The following PCDHA6 variants were observed in gnomAD, a reference collection of about 807,000 sequenced individuals.
PCDHA6 encodes the protein protocadherin alpha 6.
In PCDHA6, 55 loss-of-function variants were observed where a neutral mutation model predicts 60.3. That is an observed-to-expected ratio of 0.91 (90% CI 0.73 to 1.14). PCDHA6 has a LOEUF of 1.14. PCDHA6 is among the 50% of genes most tolerant of loss of function. The pLI, the probability that PCDHA6 is intolerant of heterozygous loss-of-function variation, is 0.00. For synonymous variants in PCDHA6, 652 were observed against 557.9 expected, an observed-to-expected ratio of 1.17 and a Z score of -2.38; for missense variants, 1,327 against 1,256.5, an observed-to-expected ratio of 1.06 and a Z score of -0.85.
At position 140,829,507 on chromosome 5, in the gene PCDHA6, C is replaced by G; in HGVS notation, c.1416C>G (p.Cys472Trp). 6.2e-7 allele frequency: 1 copy of G among 1,613,584 alleles called. No homozygotes were observed. Among genetic ancestry groups the G allele is most frequent in the Admixed American group, 1.7e-5 (1 of 60,022 alleles). Residue 472 changes from cysteine (C) to tryptophan (W), a missense_variant, in exon 1 of 4, where the codon TGC becomes TGG. Cys to Trp is a radical substitution (Grantham distance 215). Coordinates refer to ENST00000529310, the MANE Select transcript of PCDHA6 (RefSeq NM_018909.4). ...TGAAGGAGAACAACCCGCCGGGCTG[C>G]CACATCTTCACGGTGTCTGCGCGAG... The part of the protein sequence containing the change: ...VFVKENNPPG[C>W]HIFTVSARDA...
At chr5:140,948,259 G>A (rs1430770984) in intron 1 of PCDHA6, among the ~76,000 whole-genome samples, 3 of 151,464 alleles carry the variant, frequency 2.0e-5, no homozygotes, top group Non-Finnish European at 3.0e-5. Context: ...TTACATCTGT[G>A]TTCATGTAGA....
chr5:141,009,905 G>A lies in PCDHA6; in HGVS notation c.2821G>A (p.Gly941Arg), dbSNP rs781954349. The change falls in exon 4 of 4, where the codon GGG becomes AGG. Residue 941 changes from glycine (G) to arginine (R), a missense_variant. Physicochemically the swap from Gly to Arg is moderately radical, Grantham distance 125. Coordinates refer to ENST00000529310, the MANE Select transcript of PCDHA6 (RefSeq NM_018909.4). ...GNKTQEKKEK[G>R]NSTTDNSDQ Reference sequence around the variant, plus strand: ...CAAGACCCAGGAGAAAAAAGAGAAAGGGAACAGCACGACTGACAACAGTGA... The same window carrying A: ...CAAGACCCAGGAGAAAAAAGAGAAAAGGAACAGCACGACTGACAACAGTGA... 7.4e-6 allele frequency: 12 copies of A among 1,613,058 alleles called. No homozygotes were observed. Among genetic ancestry groups the A allele is most frequent in the Non-Finnish European group, 1.0e-5 (12 of 1,179,832 alleles).
At chr5:140,833,769 G>A (rs2150211252) in intron 1 of PCDHA6, among the ~76,000 whole-genome samples, 5,218 of 144,902 alleles carry the variant, frequency 0.036, 318 homozygotes, top group African/African-American at 0.13. Context: ...CACACACACC[G>A]CTTTCTAAGT....
chr5:140,832,284 T>C (rs1771894843), intron 1 of PCDHA6, among the ~76,000 whole-genome samples: 1 of 152,202 alleles, frequency 6.6e-6, no homozygotes, highest in Non-Finnish European at 1.5e-5. Context: ...TAAGCATGAA[T>C]GGTGTATTTG....
chr5:141,000,389 C>A (rs868958582), intron 3 of PCDHA6, among the ~76,000 whole-genome samples: 168 of 62,538 alleles, frequency 2.7e-3, no homozygotes, highest in Non-Finnish European at 3.7e-3. Flanking sequence ...CTCTCTCTCT[C>A]TCTCTCTATA....
intron 1 of PCDHA6, among the ~76,000 whole-genome samples, chr5:140,941,207 C>CTTCCTTTCTT (rs1563185091): frequency 3.9e-5 from 4 of 103,272 alleles, no homozygotes; most frequent in African/African-American, 1.7e-4. Context: ...TTCTTCCTTT[C>CTTCCTTTCTT]TTTCTTCCTT....
At chr5:140,862,919 T>C (rs782169280) in intron 1 of PCDHA6, 73 of 546,740 alleles carry the variant, frequency 1.3e-4, no homozygotes, top group Non-Finnish European at 2.4e-4. Flanking sequence ...GCGCCTTGGG[T>C]GGGCTGGCGG....
intron 3 of PCDHA6, among the ~76,000 whole-genome samples, chr5:140,992,388 G>A (rs2097508351): frequency 6.6e-6 from 1 of 152,120 alleles, no homozygotes; most frequent in Non-Finnish European, 1.5e-5. Context: ...TTGTGTTCTG[G>A]ACTTAGAGAT....
chr5:140,961,920 G>A (rs2095643236), intron 1 of PCDHA6, among the ~76,000 whole-genome samples: 1 of 147,904 alleles, frequency 6.8e-6, no homozygotes, highest in South Asian at 2.1e-4. Context: ...GTCTCGCTCT[G>A]TTGCCCAGGC....
At chr5:140,966,802 G>A in intron 1 of PCDHA6, 4 of 1,542,100 alleles carry the variant, frequency 2.6e-6, no homozygotes, top group Non-Finnish European at 2.6e-6. Context: ...CGGCGACAGA[G>A]CATCCACGGC....
At chr5:140,992,188 T>C (rs1193005639) in intron 3 of PCDHA6, among the ~76,000 whole-genome samples, 6 of 152,140 alleles carry the variant, frequency 3.9e-5, no homozygotes, top group African/African-American at 1.4e-4. Flanking sequence ...ATGCTTTCAG[T>C]GATCTATCCA....
At chr5:140,832,603 C>G (rs2150202757) in intron 1 of PCDHA6, among the ~76,000 whole-genome samples, 1 of 152,244 alleles carries the variant, frequency 6.6e-6, no homozygotes, top group South Asian at 2.1e-4. Context: ...TATAGCGTTG[C>G]TAGTGAGTAA....
intron 1 of PCDHA6, among the ~76,000 whole-genome samples, chr5:140,906,628 G>A (rs976764797): frequency 2.0e-5 from 3 of 152,180 alleles, no homozygotes; most frequent in African/African-American, 7.2e-5. Context: ...CCTTCAGCAA[G>A]CACCTCAGCA....
chr5:140,949,764 G>A (rs1168507534), intron 1 of PCDHA6, among the ~76,000 whole-genome samples: 2 of 151,746 alleles, frequency 1.3e-5, no homozygotes, highest in African/African-American at 2.4e-5. Flanking sequence ...TCACATTAGT[G>A]TAATATTTGA....
chr5:140,889,037 A>G (rs2062077417), intron 1 of PCDHA6, among the ~76,000 whole-genome samples: 1 of 151,994 alleles, frequency 6.6e-6, no homozygotes, highest in Non-Finnish European at 1.5e-5. Context: ...CCGTAATTTG[A>G]TTATAATTTA....
chr5:140,851,536 A>C (rs1051991921), intron 1 of PCDHA6: 1 of 906,438 alleles, frequency 1.1e-6, no homozygotes, highest in African/African-American at 1.8e-5. Context: ...GACAATGTAG[A>C]TAATTCAAGA....
chr5:140,891,912 T>C (rs2063306720), intron 1 of PCDHA6, among the ~76,000 whole-genome samples: 1 of 152,244 alleles, frequency 6.6e-6, no homozygotes, highest in Admixed American at 6.5e-5. Context: ...CTTCACCAGA[T>C]GCTGGTGCCT....
chr5:140,881,445 A>C, intron 1 of PCDHA6: 1 of 783,070 alleles, frequency 1.3e-6, no homozygotes, highest in Non-Finnish European at 1.6e-6. Flanking sequence ...TAAAAACAGA[A>C]TCCAAAACCT....
chr5:140,857,139 T>A (rs1554149566), intron 1 of PCDHA6: 1 of 1,598,268 alleles, frequency 6.3e-7, no homozygotes, highest in South Asian at 1.1e-5. Context: ...GATGCTCAAG[T>A]GGGCACCGTC....
Sources: gnomAD v4.1 joint callset for allele counts (sites outside exome capture counted in the v4.1 genomes callset) on GRCh38, gnomAD v4.1.1 for gene constraint, MANE v1.5 for transcripts, NCBI Gene and HGNC (gene_info 2026-07-23, HGNC 2026-07-21) for gene names.